Variants in WWOX observed in about 807,000 individuals in gnomAD.
WWOX encodes WW domain-containing oxidoreductase.
Under a neutral mutation model 46.2 loss-of-function variants are expected in WWOX, and 69 were observed. That is an observed-to-expected ratio of 1.49 (90% CI 1.23 to 1.82). The LOEUF (loss-of-function observed/expected upper bound fraction) is 1.82, where lower values mean the gene tolerates loss of function less well. Among genes scored for constraint, WWOX ranks in the 40% most tolerant of loss-of-function variants. The pLI is 0.00. For missense variants in WWOX, 919 were observed against 542.6 expected (o/e 1.69, Z -6.89); for synonymous variants, 359 against 202.6 (o/e 1.77, Z -6.56).
intron 5 of WWOX, among the ~76,000 whole-genome samples, chr16:78,164,553 T>G (rs1217796356): frequency 6.6e-6 from 1 of 152,210 alleles, no homozygotes; most frequent in Non-Finnish European, 1.5e-5. Context: ...ACTCATTTAT[T>G]AAGAAAAATA....
At chr16:78,681,882 C>G (rs1012480175) in intron 8 of WWOX, among the ~76,000 whole-genome samples, 6 of 152,176 alleles carry the variant, frequency 3.9e-5, no homozygotes, top group Non-Finnish European at 7.3e-5. Context: ...ACACAAGTCT[C>G]GGGCCCCACC....
At chr16:78,265,536 G>A (rs916850163) in intron 5 of WWOX, among the ~76,000 whole-genome samples, 5 of 151,840 alleles carry the variant, frequency 3.3e-5, no homozygotes, top group African/African-American at 1.2e-4. Flanking sequence ...AAATTAGCCG[G>A]GCATGGTGGT....
chr16:78,536,571 G>A (rs564196593), intron 8 of WWOX, among the ~76,000 whole-genome samples: 50 of 152,180 alleles, frequency 3.3e-4, no homozygotes, highest in South Asian at 1.2e-3. Context: ...CAGTGTATAT[G>A]GTAGCCAAGG....
At chr16:78,947,015 C>G (rs148144096) in intron 8 of WWOX, among the ~76,000 whole-genome samples, 206 of 151,024 alleles carry the variant, frequency 1.4e-3, no homozygotes, top group Non-Finnish European at 2.5e-3. Flanking sequence ...CCCCCTCAGT[C>G]TTGTCTCTGC....
chr16:78,203,090 G>T (rs1197767871), intron 5 of WWOX, among the ~76,000 whole-genome samples: 1 of 152,148 alleles, frequency 6.6e-6, no homozygotes, highest in Non-Finnish European at 1.5e-5. Context: ...TCCTTGAACT[G>T]GTGTCTTTAG....
At chr16:78,402,749 A>G (rs59220293) in intron 6 of WWOX, among the ~76,000 whole-genome samples, 1 of 152,310 alleles carries the variant, frequency 6.6e-6, no homozygotes, top group African/African-American at 2.4e-5. Context: ...AGTTGGGTTC[A>G]ATTATTTTGT....
intron 8 of WWOX, among the ~76,000 whole-genome samples, chr16:78,830,750 T>G (rs1055834609): frequency 1.3e-5 from 2 of 151,778 alleles, no homozygotes; most frequent in Non-Finnish European, 2.9e-5. Context: ...CAGCTTGTAT[T>G]GGAGGGAACA....
chr16:78,673,283 C>G (rs117892816), intron 8 of WWOX, among the ~76,000 whole-genome samples: 68 of 152,312 alleles, frequency 4.5e-4, no homozygotes, highest in East Asian at 3.5e-3. Flanking sequence ...AGAATAAGCA[C>G]TAGCCTTAGA....
chr16:78,734,207 T>A (rs1328829244), intron 8 of WWOX, among the ~76,000 whole-genome samples: 1 of 152,132 alleles, frequency 6.6e-6, no homozygotes, highest in Non-Finnish European at 1.5e-5. Flanking sequence ...GAATGTTAGG[T>A]GTTAAAGACA....
At chr16:78,370,806 G>C (rs9936564) in intron 5 of WWOX, among the ~76,000 whole-genome samples, 127,825 of 136,512 alleles carry the variant, frequency 0.94, 60,129 homozygotes, top group African/African-American at 0.98. Context: ...GGGGGGCAAT[G>C]CATTCTTAAC....
chr16:78,786,201 C>T (rs765936643), intron 8 of WWOX, among the ~76,000 whole-genome samples: 15 of 152,198 alleles, frequency 9.9e-5, no homozygotes, highest in Non-Finnish European at 1.6e-4. Context: ...TGAGCCACCG[C>T]GCCTGGCCTG....
At chr16:78,929,585 G>A (rs2151279265) in intron 8 of WWOX, among the ~76,000 whole-genome samples, 1 of 152,262 alleles carries the variant, frequency 6.6e-6, no homozygotes, top group East Asian at 1.9e-4. Context: ...TATTTATTGA[G>A]CCTGGTGGAC....
chr16:78,186,924 C>G (rs1056640499), intron 5 of WWOX, among the ~76,000 whole-genome samples: 1 of 152,190 alleles, frequency 6.6e-6, no homozygotes, highest in Non-Finnish European at 1.5e-5. Flanking sequence ...GGGAAATTGA[C>G]ACTGGCATGA....
chr16:78,498,019 G>A (rs954870836), intron 8 of WWOX, among the ~76,000 whole-genome samples: 3 of 151,950 alleles, frequency 2.0e-5, no homozygotes, highest in African/African-American at 7.2e-5. Flanking sequence ...TGGCTAACAT[G>A]GTGAAATGCT....
At chr16:78,830,388 C>T (rs1597686723) in intron 8 of WWOX, among the ~76,000 whole-genome samples, 1 of 152,092 alleles carries the variant, frequency 6.6e-6, no homozygotes, top group African/African-American at 2.4e-5. Context: ...TGCCGTATGG[C>T]TGGGGGTTTT....
chr16:78,754,057 T>C (rs538535675), intron 8 of WWOX, among the ~76,000 whole-genome samples: 16 of 151,884 alleles, frequency 1.1e-4, no homozygotes, highest in African/African-American at 3.9e-4. Context: ...CTCATAATTT[T>C]CTTTAGGCTT....
intron 8 of WWOX, among the ~76,000 whole-genome samples, chr16:79,039,201 C>T (rs1187959412): frequency 6.6e-6 from 1 of 152,082 alleles, no homozygotes; most frequent in Non-Finnish European, 1.5e-5. Context: ...CAGGACTTTG[C>T]GTTGCAGTTT....
intron 8 of WWOX, among the ~76,000 whole-genome samples, chr16:79,005,502 CCT>C (rs1389108541): frequency 3.9e-5 from 6 of 152,140 alleles, no homozygotes; most frequent in African/African-American, 1.4e-4. Flanking sequence ...GCAAGGCCAT[CCT>C]CTCTCTGAAA....
intron 8 of WWOX, among the ~76,000 whole-genome samples, chr16:78,506,190 C>A (rs899585229): frequency 6.6e-6 from 1 of 152,128 alleles, no homozygotes; most frequent in Admixed American, 6.6e-5. Flanking sequence ...CGGAGGCAGC[C>A]CTCCAAACAT....
Sources: allele counts gnomAD v4.1 joint callset (sites outside exome capture counted in the v4.1 genomes callset), GRCh38; gene constraint gnomAD v4.1.1; transcripts MANE v1.5; gene names NCBI Gene and HGNC (gene_info 2026-07-23, HGNC 2026-07-21).